PHLPP1: variants seen among roughly 807,000 people sequenced by gnomAD.
PHLPP1 encodes the protein PH domain and leucine rich repeat protein phosphatase 1.
PHLPP1 carries 42 observed loss-of-function variants against 117.2 expected under a neutral mutation model. The ratio of observed to expected loss-of-function variants is 0.36; its 90% CI spans 0.28 to 0.46. PHLPP1 has a LOEUF of 0.46. PHLPP1 is among the 20% of genes least tolerant of loss of function. The pLI, the probability that PHLPP1 is intolerant of heterozygous loss-of-function variation, is 1.00. For synonymous variants in PHLPP1, 1,042 were observed against 970.7 expected, an observed-to-expected ratio of 1.07 and a Z score of -1.37; for missense variants, 2,084 against 2,241.9, an observed-to-expected ratio of 0.93 and a Z score of 1.42.
intron 3 of PHLPP1, among the ~76,000 whole-genome samples, chr18:62,840,281 G>A (rs560809713): frequency 6.6e-6 from 1 of 152,266 alleles, no homozygotes; most frequent in African/African-American, 2.4e-5. Flanking sequence ...AGAAGCAATG[G>A]GTAGAGAGTT....
intron 3 of PHLPP1, among the ~76,000 whole-genome samples, chr18:62,856,462 G>T (rs879272738): frequency 6.6e-6 from 1 of 152,150 alleles, no homozygotes; most frequent in Non-Finnish European, 1.5e-5. Flanking sequence ...GGGTCTGGCT[G>T]TATTGCCCAG....
Position 62,716,412 on chromosome 18 carries a change from C to T in PHLPP1, c.729C>T (p.Gly243=), listed in dbSNP as rs1282664210. 4 of 1,473,860 alleles carry T rather than the reference C, an allele frequency of 2.7e-6. No homozygotes were observed. Among genetic ancestry groups the T allele is most frequent in the Admixed American group, 2.2e-5 (1 of 44,802 alleles). 91.3% of individuals were successfully genotyped at this position (1,473,860 alleles called of 1,614,324 possible). A position where few individuals can be genotyped will look rare whatever the true frequency, so the allele number is the denominator to read the frequency against. ...TGCAGCTGGGCCACAAAGGCGGCGGCGTGGTGAAGGTGCTGGGCCAGGGGC... is the reference window on the plus strand; with the variant it reads ...TGCAGCTGGGCCACAAAGGCGGCGGTGTGGTGAAGGTGCTGGGCCAGGGGC... ...RLLQLGHKGG[G]VVKVLGQGPG... The change falls in exon 1 of 17, where the codon GGC becomes GGT. Residue 243 remains glycine, a synonymous_variant. Transcript: ENST00000262719. This position sits in a 1 kb window ranked among gnomAD's most constrained non-coding sequence, Gnocchi z 5.7.
At chr18:62,847,664 C>G (rs551163343) in intron 3 of PHLPP1, among the ~76,000 whole-genome samples, 1 of 152,088 alleles carries the variant, frequency 6.6e-6, no homozygotes, top group African/African-American at 2.4e-5. Flanking sequence ...ATTGTGCTAC[C>G]AGTTATTTGA....
intron 12 of PHLPP1, among the ~76,000 whole-genome samples, chr18:62,955,516 G>A (rs558537091): frequency 2.7e-4 from 41 of 152,252 alleles, no homozygotes; most frequent in African/African-American, 9.4e-4. Context: ...GGAGCTCGAC[G>A]GAAGGGAACC....
chr18:62,866,204 A>G (rs1340785124), intron 4 of PHLPP1, among the ~76,000 whole-genome samples: 1 of 152,070 alleles, frequency 6.6e-6, no homozygotes, highest in Non-Finnish European at 1.5e-5. Context: ...TATTTCTTTA[A>G]AAAGAAAAAT....
chr18:62,735,256 G>A (rs912981317), intron 1 of PHLPP1, among the ~76,000 whole-genome samples: 3 of 151,828 alleles, frequency 2.0e-5, no homozygotes, highest in Non-Finnish European at 4.4e-5. Flanking sequence ...TTTAATTTTT[G>A]TATTGTTTGT....
At chr18:62,723,282 T>C (rs1910976994) in intron 1 of PHLPP1, among the ~76,000 whole-genome samples, 1 of 152,250 alleles carries the variant, frequency 6.6e-6, no homozygotes, top group Admixed American at 6.5e-5. Context: ...ATCCAGAATT[T>C]TGGCATATTT....
chr18:62,837,062 G>A lies in PHLPP1; in HGVS notation c.1774-1722G>A, dbSNP rs187721501. On this transcript the variant is annotated intron_variant, in intron 2 of 16. Coordinates refer to ENST00000262719, the MANE Select transcript of PHLPP1 (RefSeq NM_194449.4). The stretch of plus-strand genomic sequence containing the variant: ...AGTGGTATAGTTACTCCACACTATA[G>A]CCTTGACCTCCCCAGGCTTGGGCGA... Among the ~76,000 whole-genome samples, 7 of 152,296 alleles carry A rather than the reference G, an allele frequency of 4.6e-5. No homozygotes were observed. The East Asian group carries it at 1.2e-3, about 25-fold the overall frequency.
At position 62,732,615 on chromosome 18, in the gene PHLPP1, G is replaced by A. The variant is rs555086178; in HGVS notation, c.1576+15356G>A. Among the ~76,000 whole-genome samples, 57 of 152,244 alleles carry A rather than the reference G, an allele frequency of 3.7e-4. 1 individual carries two copies. The South Asian group carries it at 0.011, about 31-fold the overall frequency. On this transcript the variant is annotated intron_variant, in intron 1 of 16. Coordinates refer to ENST00000262719, the MANE Select transcript of PHLPP1 (RefSeq NM_194449.4). ...ATCAAGGAGTAATTTTGAATTTCTG[G>A]TCTTATTATTTAAGAAATACATTTT... is the stretch of plus-strand genomic sequence containing the variant.
intron 1 of PHLPP1, among the ~76,000 whole-genome samples, chr18:62,814,320 G>A (rs1384899039): frequency 6.6e-6 from 1 of 152,144 alleles, no homozygotes; most frequent in Non-Finnish European, 1.5e-5. Context: ...TCTTAAATCT[G>A]TTTCAAAGCT....
At chr18:62,860,715 C>A in intron 4 of PHLPP1, 114 bp downstream of exon 4, 1 of 817,070 alleles carries the variant, frequency 1.2e-6, no homozygotes, top group Non-Finnish European at 1.9e-6. Context: ...CTTTCTCCTT[C>A]AGATAACAGG....
At chr18:62,760,143 T>G (rs1268445565) in intron 1 of PHLPP1, among the ~76,000 whole-genome samples, 1 of 152,214 alleles carries the variant, frequency 6.6e-6, no homozygotes, top group East Asian at 1.9e-4. Context: ...AGTGGTGTGT[T>G]TAATTTTTAA....
At chr18:62,797,660 CTTG>C (rs1913664833) in intron 1 of PHLPP1, among the ~76,000 whole-genome samples, 1 of 152,308 alleles carries the variant, frequency 6.6e-6, no homozygotes, top group African/African-American at 2.4e-5. Context: ...CGTTCTTCAA[CTTG>C]TTATGTGCAG....
chr18:62,976,871 T>C (rs1911201269), intron 16 of PHLPP1, among the ~76,000 whole-genome samples: 1 of 152,232 alleles, frequency 6.6e-6, no homozygotes, highest in African/African-American at 2.4e-5. Flanking sequence ...AGGTCACTGC[T>C]GTCTGCCCAC....
At chr18:62,744,743 G>T (rs145895574) in intron 1 of PHLPP1, among the ~76,000 whole-genome samples, 7 of 152,290 alleles carry the variant, frequency 4.6e-5, no homozygotes, top group Non-Finnish European at 1.0e-4. Context: ...TCCTCCACTG[G>T]CATGTGTTAC....
rs1047198844 is a variant in PHLPP1, at chr18:62,979,086, G to C, written c.4809G>C (p.Glu1603Asp). ...TTGTCATCAGCGCCAACGAGGATGAGCCAGGTCTGCCCAGGAAGGCAGACT... is the reference window on the plus strand; with the variant it reads ...TTGTCATCAGCGCCAACGAGGATGACCCAGGTCTGCCCAGGAAGGCAGACT... ...EGIVISANEDEPGLPRKADFS... is the reference protein window; with the variant it reads ...EGIVISANEDDPGLPRKADFS... Residue 1603 changes from glutamate (E) to aspartate (D), a missense_variant, in exon 17 of 17, where the codon GAG becomes GAC. Around this residue, in one of 2 missense-constraint regions of PHLPP1, gnomAD observed 1,365 missense variants for 1,605.9 expected, o/e 0.85. Transcript: ENST00000262719. The C allele has an allele frequency of 1.2e-6, 2 of 1,613,918 alleles. No homozygotes were observed. Among genetic ancestry groups the C allele is most frequent in the Non-Finnish European group, 1.7e-6 (2 of 1,179,834 alleles).
chr18:62,913,836 C>T lies in PHLPP1; in HGVS notation c.2709-1077C>T, dbSNP rs566878505. Among the ~76,000 whole-genome samples, 7 of 151,172 alleles carry T rather than the reference C, an allele frequency of 4.6e-5. No individual in the cohort carries two copies. The South Asian group carries it at 1.0e-3, about 23-fold the overall frequency. ...TTGGCTCACGGCAACCTCCGCCTCCCGGGTTCAAACGATTCTCGTGCCTCA... is the reference window on the plus strand; with the variant it reads ...TTGGCTCACGGCAACCTCCGCCTCCTGGGTTCAAACGATTCTCGTGCCTCA... On this transcript the variant is annotated intron_variant, in intron 8 of 16. Transcript: ENST00000262719.
At position 62,766,076 on chromosome 18, in the gene PHLPP1, A is replaced by AATAT. The variant is rs60058262; in HGVS notation, c.1576+48841_1576+48844dup. ...ACTCCATCTCAAAAAAAAAAAAAAAAATATATATATATATATATATATATA... is the reference window on the plus strand; with the variant it reads ...ACTCCATCTCAAAAAAAAAAAAAAAAATATATATATATATATATATATATATATA... On this transcript the variant is annotated intron_variant, in intron 1 of 16. Coordinates refer to ENST00000262719, the MANE Select transcript of PHLPP1 (RefSeq NM_194449.4). 3.2e-3 allele frequency among the ~76,000 whole-genome samples: 70 copies of AATAT among 21,620 alleles called. 2 individuals are homozygous for AATAT. The highest frequency in any genetic ancestry group is 0.014 in the South Asian group (6 of 432). 14.2% of individuals were successfully genotyped at this position (21,620 alleles called of 152,430 possible).
At chr18:62,874,645 GCACGCACGCGCGCACACA>G (rs1292370507) in intron 4 of PHLPP1, among the ~76,000 whole-genome samples, 4 of 117,708 alleles carry the variant, frequency 3.4e-5, no homozygotes, top group Non-Finnish European at 7.9e-5. Context: ...CACAGGGCGC[GCACGCACGCGCGCACACA>G]CACACACACA....
Sources: gnomAD v4.1 joint callset for allele counts (sites outside exome capture counted in the v4.1 genomes callset) on GRCh38, gnomAD v4.1.1 for gene constraint, gnomAD v4.1.1 regional missense constraint, Gnocchi (gnomAD v3.1) non-coding constraint, MANE v1.5 for transcripts, NCBI Gene and HGNC (gene_info 2026-07-23, HGNC 2026-07-21) for gene names.